Variants in GRID1 observed in about 807,000 individuals in gnomAD.
GRID1 encodes the protein glutamate ionotropic receptor delta type subunit 1, also known as glutamate receptor ionotropic, delta-1.
GRID1 carries 28 observed loss-of-function variants against 98.0 expected under a neutral mutation model. The observed-to-expected ratio is 0.29, with a 90% CI of 0.21 to 0.39. The LOEUF is 0.39. GRID1 is among the 10% of genes least tolerant of loss of function. GRID1 has a pLI of 1.00. For synonymous variants in GRID1, 553 were observed against 538.5 expected (o/e 1.03, Z -0.37); for missense variants, 1,111 against 1,340.5 (o/e 0.83, Z 2.67).
At chr10:86,203,235 T>G (rs887493218) in intron 3 of GRID1, among the ~76,000 whole-genome samples, 3 of 152,196 alleles carry the variant, frequency 2.0e-5, no homozygotes, top group Admixed American at 6.5e-5. Context: ...TTTTGAATTG[T>G]GCTCATCTGC....
At chr10:85,933,792 G>A (rs1214222276) in intron 4 of GRID1, among the ~76,000 whole-genome samples, 1 of 152,210 alleles carries the variant, frequency 6.6e-6, no homozygotes, top group Admixed American at 6.5e-5. Flanking sequence ...AAAGAAAGAA[G>A]AGGTGCGGAA....
chr10:85,784,708 C>G (rs1159766829), intron 8 of GRID1, among the ~76,000 whole-genome samples: 6 of 152,108 alleles, frequency 3.9e-5, no homozygotes, highest in Admixed American at 3.9e-4. Context: ...CTGATGGAGT[C>G]CAGAAGTTCT....
chr10:86,312,783 A>G (rs558662597), intron 2 of GRID1, among the ~76,000 whole-genome samples: 4 of 152,360 alleles, frequency 2.6e-5, no homozygotes, highest in Non-Finnish European at 5.9e-5. Context: ...CAGTGAACAG[A>G]GCCTGGAGTG....
intron 13 of GRID1, among the ~76,000 whole-genome samples, chr10:85,626,936 C>T (rs974280441): frequency 4.6e-5 from 7 of 152,052 alleles, no homozygotes; most frequent in South Asian, 2.1e-4. Flanking sequence ...CGATTCTACC[C>T]GTGGGATTTA....
At chr10:85,904,595 T>C (rs1187364790) in intron 5 of GRID1, among the ~76,000 whole-genome samples, 1 of 152,096 alleles carries the variant, frequency 6.6e-6, no homozygotes, top group Non-Finnish European at 1.5e-5. Context: ...AATTAGCAGA[T>C]AATTACCCTA....
chr10:86,189,812 G>A (rs557058293), intron 3 of GRID1, among the ~76,000 whole-genome samples: 5 of 152,216 alleles, frequency 3.3e-5, no homozygotes, highest in African/African-American at 9.6e-5. Context: ...AAATGTCCCC[G>A]GGGCCAGAGG....
chr10:85,669,901 A>T (rs1841065721), intron 12 of GRID1, among the ~76,000 whole-genome samples: 1 of 152,186 alleles, frequency 6.6e-6, no homozygotes, highest in Non-Finnish European at 1.5e-5. Flanking sequence ...CTCTGGCTTG[A>T]TTCTGCTTTT....
chr10:85,623,404 G>A (rs1842878252), intron 13 of GRID1, among the ~76,000 whole-genome samples: 1 of 152,140 alleles, frequency 6.6e-6, no homozygotes, highest in South Asian at 2.1e-4. Context: ...GCTCCATCCT[G>A]CCCCACAAAA....
At chr10:85,869,642 G>A (rs190190498) in intron 5 of GRID1, among the ~76,000 whole-genome samples, 12 of 152,170 alleles carry the variant, frequency 7.9e-5, no homozygotes, top group Admixed American at 1.3e-4. Flanking sequence ...ATTTGCACAC[G>A]AATTTTGAGA....
At chr10:85,912,222 A>G (rs1841549020) in intron 5 of GRID1, among the ~76,000 whole-genome samples, 1 of 152,192 alleles carries the variant, frequency 6.6e-6, no homozygotes, top group Non-Finnish European at 1.5e-5. Context: ...GTTCTTTTGA[A>G]TCCCCTACCC....
At chr10:86,341,115 C>A (rs1055703746) in intron 2 of GRID1, among the ~76,000 whole-genome samples, 1 of 152,158 alleles carries the variant, frequency 6.6e-6, no homozygotes, top group East Asian at 1.9e-4. Flanking sequence ...TGGCCTCTGG[C>A]GTTTGCATAT....
At chr10:86,286,631 C>T (rs1847435933) in intron 2 of GRID1, among the ~76,000 whole-genome samples, 2 of 152,272 alleles carry the variant, frequency 1.3e-5, no homozygotes, top group East Asian at 3.9e-4. Flanking sequence ...TTGTCAAGAT[C>T]CTGGAATCAG....
intron 12 of GRID1, among the ~76,000 whole-genome samples, chr10:85,689,605 A>G (rs536603557): frequency 1.3e-5 from 2 of 152,316 alleles, no homozygotes; most frequent in Non-Finnish European, 2.9e-5. Context: ...AAATACAACA[A>G]AAACCAAAAG....
chr10:85,862,155 A>T (rs982376475), intron 6 of GRID1, among the ~76,000 whole-genome samples: 1 of 152,298 alleles, frequency 6.6e-6, no homozygotes, highest in African/African-American at 2.4e-5. Context: ...CAGTTTCCCT[A>T]ATCAGGACCT....
intron 4 of GRID1, among the ~76,000 whole-genome samples, chr10:86,025,778 G>C (rs1168978991): frequency 1.3e-5 from 2 of 152,170 alleles, no homozygotes; most frequent in Non-Finnish European, 2.9e-5. Context: ...CTGGACAGTG[G>C]GGCTTCTCCC....
At chr10:86,204,975 C>T (rs963734015) in intron 3 of GRID1, among the ~76,000 whole-genome samples, 9 of 147,674 alleles carry the variant, frequency 6.1e-5, no homozygotes, top group Admixed American at 6.0e-4. Flanking sequence ...TCACCAAGGG[C>T]CAGGGACTGA....
In GRID1 at chr10:85,916,928, A is replaced by G. The variant is rs949176360; in HGVS notation, c.727-689T>C. 7.2e-5 allele frequency among the ~76,000 whole-genome samples: 11 copies of G among 152,344 alleles called. No homozygotes were observed. The highest frequency in any genetic ancestry group is 2.6e-4 in the African/African-American group (11 of 41,560). Reference sequence around the variant, plus strand: ...GTCTATCTCCTCTGCCATTATGTCAAAGGCCATATCTCCTAGGTCACAGCT... The same window carrying G: ...GTCTATCTCCTCTGCCATTATGTCAGAGGCCATATCTCCTAGGTCACAGCT... On this transcript the variant is annotated intron_variant, in intron 4 of 15. Transcript: ENST00000327946. The surrounding 1 kb of genome is among the most constrained non-coding windows in gnomAD (Gnocchi z 4.0).
intron 15 of GRID1, among the ~76,000 whole-genome samples, chr10:85,610,587 C>T (rs1028339065): frequency 1.4e-4 from 22 of 152,326 alleles, no homozygotes; most frequent in African/African-American, 5.3e-4. Context: ...ACCCCTCTGA[C>T]CCCACCATGC....
At chr10:85,664,100 C>A (rs772258322) in intron 12 of GRID1, among the ~76,000 whole-genome samples, 8 of 152,142 alleles carry the variant, frequency 5.3e-5, no homozygotes, top group Non-Finnish European at 8.8e-5. Flanking sequence ...CAGAGCATGA[C>A]ATGAAGGCAC....
Sources: gnomAD v4.1 joint callset for allele counts (sites outside exome capture counted in the v4.1 genomes callset) on GRCh38, gnomAD v4.1.1 for gene constraint, Gnocchi (gnomAD v3.1) non-coding constraint, MANE v1.5 for transcripts, NCBI Gene and HGNC (gene_info 2026-07-23, HGNC 2026-07-21) for gene names.